ASIC2: variants seen among roughly 807,000 people sequenced by gnomAD.
ASIC2 encodes acid sensing ion channel subunit 2, also known as acid-sensing ion channel 2.
A neutral mutation model predicts 57.3 loss-of-function variants in ASIC2; 25 were observed. The observed-to-expected ratio is 0.44, with a 90% CI of 0.32 to 0.61. The LOEUF (loss-of-function observed/expected upper bound fraction) is 0.61. ASIC2 is among the 20% of genes least tolerant of loss of function. The pLI, the probability that ASIC2 is intolerant of heterozygous loss-of-function variation, is 0.06. For missense variants in ASIC2, 641 were observed against 738.1 expected, an observed-to-expected ratio of 0.87 and a Z score of 1.52; for synonymous variants, 319 against 307.5, an observed-to-expected ratio of 1.04 and a Z score of -0.39.
intron 1 of ASIC2, among the ~76,000 whole-genome samples, chr17:33,771,327 C>T (rs967972592): frequency 6.6e-6 from 1 of 152,146 alleles, no homozygotes; most frequent in Admixed American, 6.5e-5. Context: ...TGGGTGCAAC[C>T]CTAATCTGAT....
chr17:33,164,928 G>A (rs1037818111), intron 1 of ASIC2, among the ~76,000 whole-genome samples: 14 of 152,020 alleles, frequency 9.2e-5, no homozygotes, highest in African/African-American at 3.1e-4. Flanking sequence ...TCTCTCTTTG[G>A]CCAGCTCTCT....
intron 2 of ASIC2, among the ~76,000 whole-genome samples, chr17:33,109,842 AG>A (rs2092249648): frequency 1.3e-5 from 2 of 152,204 alleles, no homozygotes; most frequent in African/African-American, 4.8e-5. Flanking sequence ...GCCAGGCCTC[AG>A]GGGAAAGAGA....
At chr17:33,768,868 C>A (rs950434544) in intron 1 of ASIC2, among the ~76,000 whole-genome samples, 1 of 152,134 alleles carries the variant, frequency 6.6e-6, no homozygotes, top group Admixed American at 6.5e-5. Flanking sequence ...GGGGAAGAGA[C>A]CTCCTGACTT....
intron 1 of ASIC2, among the ~76,000 whole-genome samples, chr17:33,984,617 T>C (rs567959594): frequency 2.0e-5 from 3 of 152,216 alleles, no homozygotes; most frequent in Admixed American, 6.5e-5. Context: ...CCCTTCACAA[T>C]TGGGGGAAAG....
At chr17:33,318,899 G>A (rs1906759945) in intron 1 of ASIC2, among the ~76,000 whole-genome samples, 1 of 152,194 alleles carries the variant, frequency 6.6e-6, no homozygotes, top group East Asian at 1.9e-4. Flanking sequence ...AGTGATTCCA[G>A]GTCCTCAAAG....
chr17:34,146,817 T>G (rs1454759589), intron 1 of ASIC2: 1 of 152,238 alleles, frequency 6.6e-6, no homozygotes, highest in Non-Finnish European at 1.5e-5. Context: ...CACTTGCTAA[T>G]TCACGCATGG....
intron 1 of ASIC2, among the ~76,000 whole-genome samples, chr17:33,848,189 G>A (rs1384569937): frequency 1.3e-5 from 2 of 152,152 alleles, no homozygotes; most frequent in Non-Finnish European, 1.5e-5. Context: ...AGAAGGCACT[G>A]CAGCCTTTGC....
intron 1 of ASIC2, among the ~76,000 whole-genome samples, chr17:33,264,697 C>T (rs954994731): frequency 6.6e-6 from 1 of 152,222 alleles, no homozygotes; most frequent in Non-Finnish European, 1.5e-5. Flanking sequence ...CCTGAAAGCT[C>T]TGTGGGTTGG....
chr17:33,156,599 T>C (rs1409842164), intron 1 of ASIC2, among the ~76,000 whole-genome samples: 2 of 151,444 alleles, frequency 1.3e-5, no homozygotes, highest in Non-Finnish European at 2.9e-5. Context: ...CTAATAAAAA[T>C]ACAAAAATTA....
chr17:33,150,466 A>G (rs1904740464), intron 1 of ASIC2, among the ~76,000 whole-genome samples: 1 of 152,246 alleles, frequency 6.6e-6, no homozygotes, highest in Non-Finnish European at 1.5e-5. Flanking sequence ...TTCTTGGAAC[A>G]GCTTTGGAAA....
intron 1 of ASIC2, among the ~76,000 whole-genome samples, chr17:33,468,816 G>C (rs951740670): frequency 6.6e-6 from 1 of 152,070 alleles, no homozygotes; most frequent in African/African-American, 2.4e-5. Context: ...CAAGTTTTTT[G>C]ATTGCAAATT....
chr17:33,965,859 G>T (rs967874970), intron 1 of ASIC2, among the ~76,000 whole-genome samples: 3 of 152,174 alleles, frequency 2.0e-5, no homozygotes, highest in African/African-American at 7.2e-5. Context: ...GAGCATTTAG[G>T]CTACCTTCCT....
rs188477068 is a variant in ASIC2 at position 33,313,813 on chromosome 17, G to A, written c.556-201746C>T. 1.4e-4 allele frequency among the ~76,000 whole-genome samples: 21 copies of A among 152,052 alleles called. No homozygotes were observed. The East Asian group carries it at 3.5e-3, about 25-fold the overall frequency. On this transcript the variant is annotated intron_variant, in intron 1 of 9. Transcript: ENST00000359872. ...AGTAGAAAGGGACACTTCCGTATCC[G>A]GACTAGAATAGCTAAGTGAGGAAGG...
At chr17:33,167,198 C>T (rs1905337964) in intron 1 of ASIC2, among the ~76,000 whole-genome samples, 1 of 152,136 alleles carries the variant, frequency 6.6e-6, no homozygotes, top group East Asian at 1.9e-4. Flanking sequence ...TCCACCATCA[C>T]CAGCCCCTGG....
chr17:33,082,114 G>C (rs149407888), intron 3 of ASIC2, among the ~76,000 whole-genome samples: 140 of 152,230 alleles, frequency 9.2e-4, no homozygotes, highest in African/African-American at 3.1e-3. Context: ...CTTGGTGACA[G>C]TGGGAAGTCT....
intron 1 of ASIC2, among the ~76,000 whole-genome samples, chr17:33,912,481 AAAAC>A (rs376754849): frequency 0.014 from 2,139 of 151,938 alleles, 54 homozygotes; most frequent in African/African-American, 0.048. Flanking sequence ...CCTCCATCTC[AAAAC>A]AAACAAACAA....
chr17:33,824,630 C>G (rs1260713389), intron 1 of ASIC2, among the ~76,000 whole-genome samples: 2 of 151,958 alleles, frequency 1.3e-5, no homozygotes, highest in Non-Finnish European at 2.9e-5. Flanking sequence ...TGGCTGTGGC[C>G]CCACCCAAAT....
At chr17:33,988,924 G>A (rs1341023392) in intron 1 of ASIC2, among the ~76,000 whole-genome samples, 1 of 152,030 alleles carries the variant, frequency 6.6e-6, no homozygotes, top group Non-Finnish European at 1.5e-5. Context: ...GAGTCAGGCT[G>A]AGCCAAAACT....
At chr17:33,329,967 A>C (rs1044817307) in intron 1 of ASIC2, among the ~76,000 whole-genome samples, 1 of 152,168 alleles carries the variant, frequency 6.6e-6, no homozygotes, top group African/African-American at 2.4e-5. Context: ...TTTAGGCATG[A>C]ATGTGCATTC....
Sources: allele counts gnomAD v4.1 joint callset (sites outside exome capture counted in the v4.1 genomes callset), GRCh38; gene constraint gnomAD v4.1.1; transcripts MANE v1.5; gene names NCBI Gene and HGNC (gene_info 2026-07-23, HGNC 2026-07-21).